Variants in ASAP1 observed in about 807,000 individuals in gnomAD.
The protein encoded by ASAP1 is ArfGAP with SH3 domain, ankyrin repeat and PH domain 1, also known as arf-GAP with SH3 domain, ANK repeat and PH domain-containing protein 1.
ASAP1 carries 43 observed loss-of-function variants against 145.2 expected under a neutral mutation model. That is an observed-to-expected ratio of 0.30 (90% CI 0.23 to 0.38). ASAP1 has a LOEUF of 0.38. Among genes scored for constraint, ASAP1 ranks in the 10% least tolerant of loss-of-function variants. The pLI, the probability that ASAP1 is intolerant of heterozygous loss-of-function variation, is 1.00. For synonymous variants in ASAP1, 546 were observed against 515.5 expected (o/e 1.06, Z -0.80); for missense variants, 1,018 against 1,355.3 (o/e 0.75, Z 3.91).
At chr8:130,244,682 A>C (rs1818740154) in intron 3 of ASAP1, among the ~76,000 whole-genome samples, 5 of 152,190 alleles carry the variant, frequency 3.3e-5, no homozygotes, top group Admixed American at 3.3e-4. Flanking sequence ...TGGAAGAGCA[A>C]AGTTAAGTTT....
At chr8:130,365,191 T>C (rs149595751) in intron 2 of ASAP1, among the ~76,000 whole-genome samples, 78 of 152,250 alleles carry the variant, frequency 5.1e-4, no homozygotes, top group African/African-American at 1.8e-3. Flanking sequence ...CCTAGTGAGG[T>C]AGTGTGTTTT....
At chr8:130,381,118 T>G (rs1827747667) in intron 2 of ASAP1, among the ~76,000 whole-genome samples, 1 of 152,182 alleles carries the variant, frequency 6.6e-6, no homozygotes, top group Non-Finnish European at 1.5e-5. Flanking sequence ...ACTCCGGACC[T>G]CAAGTGATCC....
At chr8:130,347,433 T>G (rs542303735) in intron 3 of ASAP1, among the ~76,000 whole-genome samples, 2 of 152,300 alleles carry the variant, frequency 1.3e-5, no homozygotes, top group South Asian at 2.1e-4. Flanking sequence ...CTCCCTTATA[T>G]TCCTACTGAT....
At chr8:130,107,123 G>A (rs1187391971) in intron 24 of ASAP1, among the ~76,000 whole-genome samples, 2 of 151,156 alleles carry the variant, frequency 1.3e-5, no homozygotes, top group East Asian at 1.9e-4. Context: ...GTTAGGATGA[G>A]ACAAGTATGG....
intron 1 of ASAP1, among the ~76,000 whole-genome samples, chr8:130,414,773 T>C (rs533304078): frequency 5.8e-4 from 89 of 152,200 alleles, no homozygotes; most frequent in African/African-American, 2.1e-3. Flanking sequence ...TTTTTTTTTT[T>C]TTGAGACAGG....
Position 130,054,017 on chromosome 8 carries a change from A to G in ASAP1, c.*714T>C, listed in dbSNP as rs1337372252. 1 of 152,664 alleles carries G rather than the reference A, an allele frequency of 6.6e-6. No individual in the cohort carries two copies. Among genetic ancestry groups the G allele is most frequent in the Non-Finnish European group, 1.5e-5 (1 of 68,052 alleles). The allele number at this position is 152,664 out of a possible 1,614,324, so 9.5% of individuals were successfully genotyped here. A position where few individuals can be genotyped will look rare whatever the true frequency, so the allele number is the denominator to read the frequency against. On this transcript the variant is annotated 3_prime_UTR_variant, in exon 30 of 30. Transcript: ENST00000518721. Reference sequence around the variant, plus strand: ...ATATGTGTTTTAAACTTTTGTCAAAATAGTCATGAAAGATATGTTATTTTT... The same window carrying G: ...ATATGTGTTTTAAACTTTTGTCAAAGTAGTCATGAAAGATATGTTATTTTT...
At chr8:130,289,344 G>GAATGTGGCCATTT (rs1821814567) in intron 3 of ASAP1, among the ~76,000 whole-genome samples, 1 of 152,192 alleles carries the variant, frequency 6.6e-6, no homozygotes, top group Non-Finnish European at 1.5e-5. Flanking sequence ...TTCACAGTAA[G>GAATGTGGCCATTT]AATGTGGCCA....
intron 9 of ASAP1, among the ~76,000 whole-genome samples, chr8:130,173,151 C>G (rs1042053334): frequency 2.0e-5 from 3 of 152,158 alleles, no homozygotes; most frequent in African/African-American, 7.2e-5. Flanking sequence ...AAGCCCCTTG[C>G]AGAAAGTAAT....
chr8:130,112,241 C>T lies in ASAP1; in HGVS notation c.2254G>A (p.Ala752Thr), dbSNP rs760720696. The T allele has an allele frequency of 1.9e-6, 3 of 1,614,056 alleles. No individual in the cohort carries two copies. Among genetic ancestry groups the T allele is most frequent in the South Asian group, 2.2e-5 (2 of 91,080 alleles). The change falls in exon 24 of 30, where the codon GCA becomes ACA. Residue 752 changes from alanine to threonine, a missense_variant. This residue lies in a region of ASAP1 where 353 missense variants were observed against 375.4 expected (regional missense o/e 0.94). Coordinates refer to ENST00000518721, the MANE Select transcript of ASAP1 (RefSeq NM_018482.4). ...CTTGGAGTGCTGAATCCTGGCAGTG[C>T]CAGCTTGTCCTGGGGGGAGATGCTG... ...SSSISPQDKL[A>T]LPGFSTPRDK...
Position 130,052,531 on chromosome 8 carries a change from G to A in ASAP1, c.*2200C>T, listed in dbSNP as rs549915130. ...CTTAAACTCAACAAGATCACCAAAGGTATTTCTACTGAGTTTTCCTATGTC... is the reference window on the plus strand; with the variant it reads ...CTTAAACTCAACAAGATCACCAAAGATATTTCTACTGAGTTTTCCTATGTC... On this transcript the variant is annotated 3_prime_UTR_variant, in exon 30 of 30. Coordinates refer to ENST00000518721, the MANE Select transcript of ASAP1 (RefSeq NM_018482.4). The A allele has an allele frequency of 1.4e-4, 21 of 152,394 alleles. No individual in the cohort carries two copies. The highest frequency in any genetic ancestry group is 5.9e-4 in the Admixed American group (9 of 15,260). The allele number at this position is 152,394 out of a possible 1,614,324, so 9.4% of individuals were successfully genotyped here. A position where few individuals can be genotyped will look rare whatever the true frequency, so the allele number is the denominator to read the frequency against.
intron 3 of ASAP1, among the ~76,000 whole-genome samples, chr8:130,241,541 C>G (rs1179784806): frequency 2.6e-5 from 4 of 152,034 alleles, no homozygotes; most frequent in Non-Finnish European, 5.9e-5. Flanking sequence ...ATAATCATCT[C>G]CACAAAACAG....
At chr8:130,383,689 A>G (rs1308723106) in intron 2 of ASAP1, among the ~76,000 whole-genome samples, 1 of 152,158 alleles carries the variant, frequency 6.6e-6, no homozygotes, top group Non-Finnish European at 1.5e-5. Context: ...TATTATGTTT[A>G]TGTTTATCTT....
At chr8:130,223,009 C>A (rs764600349) in intron 4 of ASAP1, among the ~76,000 whole-genome samples, 2 of 152,084 alleles carry the variant, frequency 1.3e-5, no homozygotes, top group Non-Finnish European at 2.9e-5. Context: ...CTCCTAGGGG[C>A]CTTAATTTCT....
At chr8:130,369,222 T>C (rs183212983) in intron 2 of ASAP1, among the ~76,000 whole-genome samples, 6 of 152,230 alleles carry the variant, frequency 3.9e-5, no homozygotes, top group African/African-American at 1.4e-4. Flanking sequence ...TGTTTACATA[T>C]ACATAATGAG....
chr8:130,162,931 A>G lies in ASAP1; in HGVS notation c.910-2967T>C, dbSNP rs2097672575. On this transcript the variant is annotated intron_variant, in intron 11 of 29. Coordinates refer to ENST00000518721, the MANE Select transcript of ASAP1 (RefSeq NM_018482.4). ...ACTAGACTTCTCTTCATCTGCCCAC[A>G]TAATTCCTAGGTCTGTCCAAATGCT... 6 of 152,596 alleles carry G rather than the reference A, an allele frequency of 3.9e-5. No individual in the cohort carries two copies. The Middle Eastern group carries it at 9.1e-3, about 231-fold the overall frequency. 9.5% of individuals were successfully genotyped at this position (152,596 alleles called of 1,614,324 possible). A position where few individuals can be genotyped will look rare whatever the true frequency, so the allele number is the denominator to read the frequency against.
intron 3 of ASAP1, among the ~76,000 whole-genome samples, chr8:130,285,450 T>G (rs17285138): frequency 6.6e-6 from 1 of 151,968 alleles, no homozygotes; most frequent in African/African-American, 2.4e-5. Context: ...CTAGAAAAAA[T>G]TTTATGGTCT....
chr8:130,072,824 T>TGTGTGTGTGTGCGCGCGCGCGCGCGCGC, intron 27 of ASAP1, among the ~76,000 whole-genome samples: 9 of 32,312 alleles, frequency 2.8e-4, no homozygotes, highest in Non-Finnish European at 2.9e-4. Context: ...TGTGTGTGTG[T>TGTGTGTGTGTGCGCGCGCGCGCGCGCGC]GCGCGCGGGG....
In ASAP1 at chr8:130,096,897, G is replaced by A. The variant is rs140372501; in HGVS notation, c.2402-4754C>T. ...TCCCAGCACTTTGGGAGGCCGAGGC[G>A]TGAGGGTCACTTGAGGCCAGGAGCT... is the stretch of plus-strand genomic sequence containing the variant. On this transcript the variant is annotated intron_variant, in intron 24 of 29. Transcript: ENST00000518721. Among the ~76,000 whole-genome samples, 593 of 152,064 alleles carry A rather than the reference G, an allele frequency of 3.9e-3. 3 individuals are homozygous for A. The highest frequency in any genetic ancestry group is 9.5e-3 in the African/African-American group (394 of 41,466).
chr8:130,421,509 T>C (rs1829716252), intron 1 of ASAP1, among the ~76,000 whole-genome samples: 1 of 152,242 alleles, frequency 6.6e-6, no homozygotes. Flanking sequence ...AGGAATGAGA[T>C]AGAAATGTTG....
Sources: gnomAD v4.1 joint callset for allele counts (sites outside exome capture counted in the v4.1 genomes callset) on GRCh38, gnomAD v4.1.1 for gene constraint, gnomAD v4.1.1 regional missense constraint, MANE v1.5 for transcripts, NCBI Gene and HGNC (gene_info 2026-07-23, HGNC 2026-07-21) for gene names.